MKS1: variants seen among roughly 807,000 people sequenced by gnomAD.
The protein encoded by MKS1 is MKS transition zone complex subunit 1.
MKS1 carries 70 observed loss-of-function variants against 83.7 expected under a neutral mutation model. The observed-to-expected ratio is 0.84, with a 90% CI of 0.69 to 1.02. The LOEUF (loss-of-function observed/expected upper bound fraction) is 1.02. MKS1 is among the 50% of genes least tolerant of loss of function. The pLI is 0.00. For missense variants in MKS1, 681 were observed against 726.9 expected, an observed-to-expected ratio of 0.94 and a Z score of 0.73; for synonymous variants, 251 against 273.4, an observed-to-expected ratio of 0.92 and a Z score of 0.81.
rs759400183 is a variant in MKS1, at chr17:58,206,300, G to C, written c.1571C>G (p.Ser524Cys). Residue 524 changes from serine to cysteine, a missense_variant, in exon 17 of 18, where the codon TCC becomes TGC. This residue lies in a region of MKS1 where 310 missense variants were observed against 321.7 expected (regional missense o/e 0.96). Transcript: ENST00000393119. ...DRLEGFSQQS[S>C]IHNVLEAFRR... ...GGACATACCTAGCACATTGTGAATG[G>C]AACTCTGCTGGCTGAACCCTTCCAG... The C allele has an allele frequency of 1.2e-6, 2 of 1,614,150 alleles. No homozygotes were observed. The highest frequency in any genetic ancestry group is 1.7e-6 in the Non-Finnish European group (2 of 1,180,028).
intron 14 of MKS1, 101 bp from the exon 15 acceptor site, chr17:58,207,319 C>G (rs1968581484): frequency 6.5e-7 from 1 of 1,532,800 alleles, no homozygotes; most frequent in Non-Finnish European, 8.9e-7. Flanking sequence ...GCTAAAACAC[C>G]TGGTCTGGTG....
intron 14 of MKS1, 31 bp downstream of exon 14, chr17:58,207,863 G>A: frequency 6.4e-7 from 1 of 1,571,238 alleles, no homozygotes; most frequent in East Asian, 2.2e-5. Flanking sequence ...TAGGGCATGT[G>A]GGCCACAGAA....
At chr17:58,206,691 T>G in intron 15 of MKS1, 144 bp from the exon 16 acceptor site, 1 of 854,550 alleles carries the variant, frequency 1.2e-6, no homozygotes. Context: ...CAGACTCTAT[T>G]ACCTCAAGGC....
chr17:58,214,955 G>T lies in MKS1; in HGVS notation c.418-117C>A, dbSNP rs950758947. ...CCAGGACCTGAACCCCACAGGTTCC[G>T]CCACCTCACAATTATACATGCTAAC... On this transcript the variant is annotated intron_variant, in intron 4 of 17. Coordinates refer to ENST00000393119, the MANE Select transcript of MKS1 (RefSeq NM_017777.4). The T allele has an allele frequency of 7.4e-6, 11 of 1,482,478 alleles. No homozygotes were observed. In the Admixed American group the frequency reaches 9.9e-5, roughly 13 times the overall value. 91.8% of individuals were successfully genotyped at this position (1,482,478 alleles called of 1,614,324 possible).
intron 14 of MKS1, chr17:58,207,657 G>A: frequency 1.6e-6 from 1 of 606,242 alleles, no homozygotes. Context: ...TTCTCACCCT[G>A]AGTCCAATCA....
chr17:58,207,302 A>T, intron 14 of MKS1, 84 bp from the exon 15 acceptor site: 2 of 1,583,932 alleles, frequency 1.3e-6, no homozygotes, highest in Non-Finnish European at 1.7e-6. Flanking sequence ...ACACAGGCCT[A>T]GACTCAGCTA....
At chr17:58,212,191 A>G (rs1388075208) in intron 9 of MKS1, among the ~76,000 whole-genome samples, 187 bp downstream of exon 9, 1 of 152,214 alleles carries the variant, frequency 6.6e-6, no homozygotes, top group Non-Finnish European at 1.5e-5. Context: ...TCTTAGCATT[A>G]ACAGTTCTCT....
intron 4 of MKS1, 113 bp downstream of exon 4, chr17:58,215,975 A>C: frequency 7.7e-7 from 1 of 1,306,210 alleles, no homozygotes; most frequent in Non-Finnish European, 1.1e-6. Flanking sequence ...CAGTTCCTAG[A>C]CAGGCTACTT....
intron 7 of MKS1, among the ~76,000 whole-genome samples, chr17:58,213,391 GATA>G (rs1968998844): frequency 6.6e-6 from 1 of 152,168 alleles, no homozygotes. Context: ...GGTTGGGCCA[GATA>G]ATTTCTAATT....
chr17:58,213,796 G>C lies in MKS1; in HGVS notation c.718C>G (p.Pro240Ala). 19 of 1,614,032 alleles carry C rather than the reference G, an allele frequency of 1.2e-5. No individual in the cohort carries two copies. The highest frequency in any genetic ancestry group is 1.6e-5 in the Non-Finnish European group (19 of 1,179,948). The part of the protein sequence containing the change: ...VDSNGVITVK[P>A]DFTGLKGPYR... ...GGTCCTTTGAGGCCCGTGAAGTCAG[G>C]CTTTACTGTGATCACACCATTGCTA... Residue 240 changes from proline to alanine, a missense_variant, in exon 7 of 18, where the codon CCT (proline) becomes GCT (alanine). Transcript: ENST00000393119.
chr17:58,213,785 C>T lies in MKS1; in HGVS notation c.729G>A (p.Thr243=), dbSNP rs373491923. Residue 243 remains threonine (T), a synonymous_variant, in exon 7 of 18, where the codon ACG becomes ACA. Coordinates refer to ENST00000393119, the MANE Select transcript of MKS1 (RefSeq NM_017777.4). The part of the protein sequence containing the change: ...NGVITVKPDF[T]GLKGPYRIET... Reference sequence around the variant, plus strand: ...CTCACCTGTAGGGTCCTTTGAGGCCCGTGAAGTCAGGCTTTACTGTGATCA... The same window carrying T: ...CTCACCTGTAGGGTCCTTTGAGGCCTGTGAAGTCAGGCTTTACTGTGATCA... 67 of 1,613,832 alleles carry T rather than the reference C, an allele frequency of 4.2e-5. No individual in the cohort carries two copies. The East Asian group carries it at 1.2e-3, about 28-fold the overall frequency.
intron 4 of MKS1, 107 bp downstream of exon 4, chr17:58,215,981 T>C (rs1030348353): frequency 1.5e-6 from 2 of 1,353,662 alleles, no homozygotes; most frequent in African/African-American, 2.9e-5. Flanking sequence ...CTAGACAGGC[T>C]ACTTGTCTCC....
At chr17:58,210,450 C>T (rs559775594) in intron 11 of MKS1, among the ~76,000 whole-genome samples, 219 of 152,152 alleles carry the variant, frequency 1.4e-3, no homozygotes, top group African/African-American at 3.9e-3. Context: ...GTGTGTCATG[C>T]AGCACAGTGG....
Position 58,219,141 on chromosome 17 carries a change from G to A in MKS1, c.80+10C>T, listed in dbSNP as rs1376581454. 3 of 1,551,062 alleles carry A rather than the reference G, an allele frequency of 1.9e-6. No individual in the cohort carries two copies. Among genetic ancestry groups the A allele is most frequent in the Non-Finnish European group, 2.6e-6 (3 of 1,146,988 alleles). On this transcript the variant is annotated intron_variant, in intron 1 of 17. Coordinates refer to ENST00000393119, the MANE Select transcript of MKS1 (RefSeq NM_017777.4). The stretch of plus-strand genomic sequence containing the variant: ...AGCATGGGGCCTCGGGGCTGGGGCG[G>A]TGCGACTACCGGAGGCGCAAGTTGC...
chr17:58,209,739 G>C lies in MKS1; in HGVS notation c.1024+920C>G, dbSNP rs1431747505. Among the ~76,000 whole-genome samples, 4 of 152,228 alleles carry C rather than the reference G, an allele frequency of 2.6e-5. No homozygotes were observed. On this transcript the variant is annotated intron_variant, in intron 11 of 17. Coordinates refer to ENST00000393119, the MANE Select transcript of MKS1 (RefSeq NM_017777.4). The surrounding 1 kb of genome is among the most constrained non-coding windows in gnomAD (Gnocchi z 4.1). ...CAAGTTTACATTTTACTCTAAGTGG[G>C]AGGGGAAGCTGTTGGGGTTTTCAGC...
chr17:58,218,085 A>G (rs973960008), intron 2 of MKS1, among the ~76,000 whole-genome samples: 4 of 152,258 alleles, frequency 2.6e-5, no homozygotes, highest in Admixed American at 2.6e-4. Context: ...AGCAGTCTCC[A>G]GTTTAAAAAT....
At position 58,205,659 on chromosome 17, in the gene MKS1, C is replaced by G; in HGVS notation, c.*420G>C. Reference sequence around the variant, plus strand: ...TCACAGGCTGGGGATTTAAGACCCTCTCACCGTCCACCTTCCTTCCTTCTT... The same window carrying G: ...TCACAGGCTGGGGATTTAAGACCCTGTCACCGTCCACCTTCCTTCCTTCTT... On this transcript the variant is annotated 3_prime_UTR_variant, in exon 18 of 18. Transcript: ENST00000393119. The G allele has an allele frequency of 1.5e-6, 2 of 1,308,742 alleles. No homozygotes were observed. The highest frequency in any genetic ancestry group is 2.0e-6 in the Non-Finnish European group (2 of 992,092). 81.1% of individuals were successfully genotyped at this position (1,308,742 alleles called of 1,614,324 possible).
At chr17:58,206,810 T>A in intron 15 of MKS1, 2 of 624,892 alleles carry the variant, frequency 3.2e-6, no homozygotes, top group Non-Finnish European at 5.6e-6. Flanking sequence ...ATCTGATTAC[T>A]GAGGCCTTCA....
rs1441569954 is a variant in MKS1 at position 58,205,781 on chromosome 17, C to T, written c.*298G>A. ...GCCAGAAAAGTGAGTCAAGGCCAGA[C>T]TCACTATGGGGTCACCCCAAACAGC... is the stretch of plus-strand genomic sequence containing the variant. On this transcript the variant is annotated 3_prime_UTR_variant, in exon 18 of 18. Coordinates refer to ENST00000393119, the MANE Select transcript of MKS1 (RefSeq NM_017777.4). 7.0e-7 allele frequency: 1 copy of T among 1,435,984 alleles called. No individual in the cohort carries two copies. Among genetic ancestry groups the T allele is most frequent in the Non-Finnish European group, 9.3e-7 (1 of 1,077,344 alleles). 89.0% of individuals were successfully genotyped at this position (1,435,984 alleles called of 1,614,324 possible). A position where few individuals can be genotyped will look rare whatever the true frequency, so the allele number is the denominator to read the frequency against.
Sources: gnomAD v4.1 joint callset for allele counts (sites outside exome capture counted in the v4.1 genomes callset) on GRCh38, gnomAD v4.1.1 for gene constraint, gnomAD v4.1.1 regional missense constraint, Gnocchi (gnomAD v3.1) non-coding constraint, MANE v1.5 for transcripts, NCBI Gene and HGNC (gene_info 2026-07-23, HGNC 2026-07-21) for gene names.